Variants in PSPC1 observed in about 807,000 individuals in gnomAD.
PSPC1 encodes paraspeckle component 1.
In PSPC1, 14 loss-of-function variants were observed where a neutral mutation model predicts 51.6. The observed-to-expected ratio is 0.27, with a 90% CI of 0.18 to 0.42. PSPC1 has a LOEUF of 0.42. PSPC1 is among the 10% of genes least tolerant of loss of function. PSPC1 has a pLI of 1.00. For missense variants in PSPC1, 406 were observed against 701.1 expected (o/e 0.58, Z 4.75); for synonymous variants, 193 against 231.9 (o/e 0.83, Z 1.53).
intron 6 of PSPC1, among the ~76,000 whole-genome samples, chr13:19,689,064 AG>A (rs1437702737): frequency 1.3e-5 from 2 of 152,320 alleles, no homozygotes; most frequent in East Asian, 3.9e-4. Flanking sequence ...TAACTATTAA[AG>A]GACAAACAGA....
intron 1 of PSPC1, among the ~76,000 whole-genome samples, chr13:19,776,129 G>C (rs1460124166): frequency 6.6e-6 from 1 of 152,046 alleles, no homozygotes. Context: ...TATTTTGATA[G>C]GGGTTTGAGT....
At chr13:19,734,955 G>C (rs1008123533) in intron 5 of PSPC1, among the ~76,000 whole-genome samples, 10 of 151,346 alleles carry the variant, frequency 6.6e-5, no homozygotes, top group African/African-American at 2.4e-4. Flanking sequence ...TACAGCCTGA[G>C]CGACAGAGCG....
chr13:19,782,803 G>A lies in PSPC1; in HGVS notation c.-46C>T, dbSNP rs780248928. The A allele has an allele frequency of 6.7e-7, 1 of 1,487,988 alleles. No homozygotes were observed. The highest frequency in any genetic ancestry group is 8.8e-7 in the Non-Finnish European group (1 of 1,136,442). 92.2% of individuals were successfully genotyped at this position (1,487,988 alleles called of 1,614,324 possible). ...CACCGGATACAGGCCTAGATTTATA[G>A]ACAGTGTGTCTATATATATGTATAC... On this transcript the variant is annotated 5_prime_UTR_variant, in exon 1 of 9. Coordinates refer to ENST00000338910, the MANE Select transcript of PSPC1 (RefSeq NM_001354909.2). This position sits in a 1 kb window ranked among gnomAD's most constrained non-coding sequence, Gnocchi z 4.5.
At chr13:19,683,823 T>A (rs537412714) in intron 6 of PSPC1, among the ~76,000 whole-genome samples, 3 of 152,116 alleles carry the variant, frequency 2.0e-5, no homozygotes, top group Admixed American at 6.5e-5. Flanking sequence ...AGGAAAAAAA[T>A]ATATATGTAT....
At chr13:19,715,966 A>G (rs1882044423) in intron 6 of PSPC1, among the ~76,000 whole-genome samples, 1 of 152,106 alleles carries the variant, frequency 6.6e-6, no homozygotes. Flanking sequence ...GTGAGCCAAG[A>G]TCACGCCACT....
intron 6 of PSPC1, among the ~76,000 whole-genome samples, chr13:19,689,256 G>C (rs1878284890): frequency 6.6e-6 from 1 of 152,180 alleles, no homozygotes; most frequent in African/African-American, 2.4e-5. Flanking sequence ...GGGAAGCCTA[G>C]AGTGAAGACA....
downstream of PSPC1, among the ~76,000 whole-genome samples, chr13:19,673,967 T>G (rs185601824): frequency 1.6e-4 from 25 of 152,358 alleles, 1 homozygote; most frequent in Admixed American, 1.3e-3. Context: ...TGTCCGGATC[T>G]CCTAGTCTTT....
In PSPC1 at chr13:19,736,280, C is replaced by T. The variant is rs368818790; in HGVS notation, c.1052+5285G>A. On this transcript the variant is annotated intron_variant, in intron 5 of 8. Coordinates refer to ENST00000338910, the MANE Select transcript of PSPC1 (RefSeq NM_001354909.2). ...AATTTGGTCAAACATAAAGGTTACC[C>T]GTCAAATTATCACCTTATATTGAGA... Among the ~76,000 whole-genome samples, 5 of 151,974 alleles carry T rather than the reference C, an allele frequency of 3.3e-5. No individual in the cohort carries two copies. In the South Asian group the frequency reaches 6.2e-4, roughly 19 times the overall value.
intron 6 of PSPC1, among the ~76,000 whole-genome samples, chr13:19,687,436 CA>C (rs1878038572): frequency 6.6e-6 from 1 of 152,088 alleles, no homozygotes; most frequent in South Asian, 2.1e-4. Context: ...TTGACACTGG[CA>C]AACTTTTGTG....
chr13:19,771,974 G>A (rs989437772), intron 2 of PSPC1, among the ~76,000 whole-genome samples: 2 of 152,100 alleles, frequency 1.3e-5, no homozygotes, highest in African/African-American at 2.4e-5. Flanking sequence ...ATTACCTTAA[G>A]TTTATAGATT....
intron 5 of PSPC1, among the ~76,000 whole-genome samples, chr13:19,737,908 T>C (rs1462043719): frequency 6.6e-6 from 1 of 151,990 alleles, no homozygotes; most frequent in African/African-American, 2.4e-5. Flanking sequence ...CAACATAGCA[T>C]AATCCCATCT....
intron 5 of PSPC1, among the ~76,000 whole-genome samples, chr13:19,731,546 T>G (rs1884118855): frequency 6.6e-6 from 1 of 152,146 alleles, no homozygotes. Flanking sequence ...CCCAAGTAGC[T>G]GGGACTACGG....
At chr13:19,711,306 G>A (rs1881379928) in intron 6 of PSPC1, among the ~76,000 whole-genome samples, 1 of 151,728 alleles carries the variant, frequency 6.6e-6, no homozygotes, top group East Asian at 1.9e-4. Context: ...GATCATCTGA[G>A]GTCAGGAGTT....
chr13:19,774,828 A>G (rs1888945046), intron 1 of PSPC1, among the ~76,000 whole-genome samples: 2 of 150,814 alleles, frequency 1.3e-5, no homozygotes, highest in Admixed American at 6.6e-5. Context: ...ACAAAAAAAA[A>G]AAAGAAAAAG....
intron 6 of PSPC1, among the ~76,000 whole-genome samples, chr13:19,696,042 C>T (rs1879186383): frequency 1.3e-5 from 2 of 152,064 alleles, no homozygotes; most frequent in South Asian, 2.1e-4. Flanking sequence ...TGACTCTGAA[C>T]AGAAGAAATG....
At chr13:19,751,496 G>C in intron 3 of PSPC1, 29 bp from the exon 4 acceptor site, 3 of 1,420,706 alleles carry the variant, frequency 2.1e-6, no homozygotes, top group Non-Finnish European at 2.8e-6. Context: ...ATACAGAAAT[G>C]TATGCTTAAA....
At chr13:19,755,634 C>T (rs1489219588) in intron 3 of PSPC1, among the ~76,000 whole-genome samples, 5 of 151,832 alleles carry the variant, frequency 3.3e-5, no homozygotes, top group Non-Finnish European at 5.9e-5. Flanking sequence ...AACGCTAATG[C>T]TAATGCTTCC....
intron 2 of PSPC1, among the ~76,000 whole-genome samples, chr13:19,766,251 T>C (rs1888057028): frequency 6.6e-6 from 1 of 152,052 alleles, no homozygotes; most frequent in African/African-American, 2.4e-5. Flanking sequence ...TGAACATCTG[T>C]AATCCCAGCT....
At chr13:19,698,931 ACACTGTTAATTT>A (rs1879578037), downstream of PSPC1, among the ~76,000 whole-genome samples, 1 of 151,914 alleles carries the variant, frequency 6.6e-6, no homozygotes, top group African/African-American at 2.4e-5. Context: ...AAAAACACAT[ACACTGTTAATTT>A]CATCAGGTAA....
Sources: allele counts gnomAD v4.1 joint callset (sites outside exome capture counted in the v4.1 genomes callset), GRCh38; gene constraint gnomAD v4.1.1; non-coding constraint Gnocchi (gnomAD v3.1); transcripts MANE v1.5; gene names NCBI Gene and HGNC (gene_info 2026-07-23, HGNC 2026-07-21).